The following FAM13A variants were observed in gnomAD, a reference collection of about 807,000 sequenced individuals.
FAM13A encodes the protein family with sequence similarity 13 member A.
In FAM13A, 76 loss-of-function variants were observed where a neutral mutation model predicts 129.6. That is an observed-to-expected ratio of 0.59 (90% CI 0.49 to 0.71). The LOEUF (loss-of-function observed/expected upper bound fraction) is 0.71. Among genes scored for constraint, FAM13A ranks in the 30% least tolerant of loss-of-function variants. The probability of loss-of-function intolerance (pLI) is 0.00; values close to 1 mark genes in which losing one functional copy is unlikely to be tolerated. For missense variants in FAM13A, 1,108 were observed against 1,249.3 expected, an observed-to-expected ratio of 0.89 and a Z score of 1.70; for synonymous variants, 443 against 449.9, an observed-to-expected ratio of 0.98 and a Z score of 0.20.
chr4:89,052,587 G>T (rs1771750663), intron 1 of FAM13A, among the ~76,000 whole-genome samples: 1 of 151,440 alleles, frequency 6.6e-6, no homozygotes, highest in South Asian at 2.1e-4. Flanking sequence ...ATAGCTCTGA[G>T]GATTTTTAAA....
At chr4:88,893,642 G>GAATAAATAAATA (rs55794702) in intron 6 of FAM13A, among the ~76,000 whole-genome samples, 1,561 of 126,190 alleles carry the variant, frequency 0.012, 12 homozygotes, top group African/African-American at 0.015. Flanking sequence ...ATGAATGAAT[G>GAATAAATAAATA]AATAAATAAA....
chr4:88,855,565 T>C (rs1738345971), intron 6 of FAM13A: 1 of 152,122 alleles, frequency 6.6e-6, no homozygotes, highest in Non-Finnish European at 1.5e-5. Context: ...GAGGTAGATA[T>C]ATACCTCCAA....
At chr4:88,928,044 T>C (rs1752476465) in intron 5 of FAM13A, among the ~76,000 whole-genome samples, 1 of 152,158 alleles carries the variant, frequency 6.6e-6, no homozygotes, top group Non-Finnish European at 1.5e-5. Context: ...TTCATTTTCA[T>C]CTGATTCAAA....
chr4:88,997,785 T>C (rs1033954973), intron 3 of FAM13A, among the ~76,000 whole-genome samples: 6 of 152,112 alleles, frequency 3.9e-5, no homozygotes, highest in African/African-American at 1.4e-4. Flanking sequence ...CTCAGAGCCA[T>C]GAGAAGGTCA....
At chr4:89,018,169 T>C (rs1253241360) in intron 3 of FAM13A, among the ~76,000 whole-genome samples, 1 of 152,162 alleles carries the variant, frequency 6.6e-6, no homozygotes, top group Non-Finnish European at 1.5e-5. Context: ...TACCTCAGAA[T>C]GTGATTGTAT....
At chr4:88,793,736 G>T (rs1427947927) in intron 8 of FAM13A, among the ~76,000 whole-genome samples, 1 of 151,886 alleles carries the variant, frequency 6.6e-6, no homozygotes, top group African/African-American at 2.4e-5. Context: ...TCTATCTCAG[G>T]TTCAGGCTTA....
chr4:88,796,859 T>C (rs1578699521), intron 8 of FAM13A, among the ~76,000 whole-genome samples: 1 of 152,124 alleles, frequency 6.6e-6, no homozygotes, highest in Non-Finnish European at 1.5e-5. Context: ...ATTGCTCTTA[T>C]CTTTTGAAGG....
chr4:88,783,662 A>T (rs1723404336), intron 10 of FAM13A, among the ~76,000 whole-genome samples: 2 of 152,124 alleles, frequency 1.3e-5, no homozygotes, highest in Admixed American at 1.3e-4. Context: ...CAAAATTCAC[A>T]TTTTGAAGTC....
chr4:88,773,053 G>A (rs2149573761), intron 11 of FAM13A, among the ~76,000 whole-genome samples: 1 of 152,250 alleles, frequency 6.6e-6, no homozygotes. Context: ...AAAGCTGTTG[G>A]AGTTCTTGAT....
At position 88,726,956 on chromosome 4, in the gene FAM13A, T is replaced by C. The variant is rs561471908; in HGVS notation, c.*1577A>G. The stretch of plus-strand genomic sequence containing the variant: ...CATTCAGCTGACAGAAGAGAGCTGC[T>C]ACCTCACTTCAGCAATGGAAAATGT... On this transcript the variant is annotated 3_prime_UTR_variant, in exon 24 of 24. Coordinates refer to ENST00000264344, the MANE Select transcript of FAM13A (RefSeq NM_014883.4). 2.0e-5 allele frequency: 3 copies of C among 152,492 alleles called. No homozygotes were observed. Among genetic ancestry groups the C allele is most frequent in the Non-Finnish European group, 4.4e-5 (3 of 68,040 alleles). 9.4% of individuals were successfully genotyped at this position (152,492 alleles called of 1,614,324 possible).
At chr4:88,845,507 G>A (rs918598240) in intron 7 of FAM13A, among the ~76,000 whole-genome samples, 1 of 152,070 alleles carries the variant, frequency 6.6e-6, no homozygotes, top group African/African-American at 2.4e-5. Flanking sequence ...GAAGGGCGAG[G>A]GAAGGAACAT....
chr4:88,885,020 A>T (rs779898136), intron 6 of FAM13A, among the ~76,000 whole-genome samples: 1 of 152,202 alleles, frequency 6.6e-6, no homozygotes, highest in Non-Finnish European at 1.5e-5. Context: ...ACAAATGGAA[A>T]CACATCCTCT....
At chr4:88,915,209 A>C (rs992650883) in intron 5 of FAM13A, among the ~76,000 whole-genome samples, 2 of 152,240 alleles carry the variant, frequency 1.3e-5, no homozygotes, top group Non-Finnish European at 2.9e-5. Flanking sequence ...ACCCCATAGA[A>C]GTCTCTTCTG....
At chr4:88,811,506 G>A (rs1729661859) in intron 7 of FAM13A, among the ~76,000 whole-genome samples, 1 of 150,506 alleles carries the variant, frequency 6.6e-6, no homozygotes, top group South Asian at 2.1e-4. Context: ...TGCCAGCTCT[G>A]AATGCCCTTC....
intron 4 of FAM13A, among the ~76,000 whole-genome samples, chr4:88,946,398 G>GTTA (rs1755872039): frequency 1.2e-5 from 1 of 81,812 alleles, no homozygotes; most frequent in Non-Finnish European, 2.5e-5. Context: ...TTGCTCCCGC[G>GTTA]TTCTTTTTTT....
chr4:88,749,124 G>T (rs1021318244), intron 16 of FAM13A, 91 bp from the exon 17 acceptor site: 18 of 886,096 alleles, frequency 2.0e-5, no homozygotes, highest in South Asian at 1.6e-4. Flanking sequence ...AAATAGGAAG[G>T]AAAAGTTGAG....
At chr4:88,956,502 T>A (rs141869821) in intron 4 of FAM13A, among the ~76,000 whole-genome samples, 1 of 152,302 alleles carries the variant, frequency 6.6e-6, no homozygotes, top group African/African-American at 2.4e-5. Context: ...TCAATAAAGC[T>A]ATTATTTAAA....
In FAM13A at chr4:88,856,854, A is replaced by C. The variant is rs140896362; in HGVS notation, c.844-5671T>G. Reference sequence around the variant, plus strand: ...TCATAAGAAGAAATGTGAAATAACAAAGTATCAGAAAAGAGATGCTTAGTT... The same window carrying C: ...TCATAAGAAGAAATGTGAAATAACACAGTATCAGAAAAGAGATGCTTAGTT... On this transcript the variant is annotated intron_variant, in intron 6 of 23. Coordinates refer to ENST00000264344, the MANE Select transcript of FAM13A (RefSeq NM_014883.4). 2.4e-3 allele frequency among the ~76,000 whole-genome samples: 369 copies of C among 152,328 alleles called. 5 individuals are homozygous for C. The highest frequency in any genetic ancestry group is 3.4e-3 in the Middle Eastern group (1 of 294).
Position 88,727,368 on chromosome 4 carries a change from A to G in FAM13A, c.*1165T>C, listed in dbSNP as rs1736655593. 6.6e-6 allele frequency: 1 copy of G among 152,624 alleles called. No individual in the cohort carries two copies. Among genetic ancestry groups the G allele is most frequent in the Non-Finnish European group, 1.5e-5 (1 of 68,032 alleles). The allele number at this position is 152,624 out of a possible 1,614,324, so 9.5% of individuals were successfully genotyped here. ...TCCTGGTCCCTCCAAAATGTCTAATATAGACAGTTTTGTGACAAAGTCTTT... is the reference window on the plus strand; with the variant it reads ...TCCTGGTCCCTCCAAAATGTCTAATGTAGACAGTTTTGTGACAAAGTCTTT... On this transcript the variant is annotated 3_prime_UTR_variant, in exon 24 of 24. Coordinates refer to ENST00000264344, the MANE Select transcript of FAM13A (RefSeq NM_014883.4).
Sources: gnomAD v4.1 joint callset for allele counts (sites outside exome capture counted in the v4.1 genomes callset) on GRCh38, gnomAD v4.1.1 for gene constraint, MANE v1.5 for transcripts, NCBI Gene and HGNC (gene_info 2026-07-23, HGNC 2026-07-21) for gene names.